HAUS7: variants seen among roughly 807,000 people sequenced by gnomAD.
The protein encoded by HAUS7 is HAUS augmin-like complex subunit 7.
Under a neutral mutation model 28.4 loss-of-function variants are expected in HAUS7, and 3 were observed. The ratio of observed to expected loss-of-function variants is 0.11; its 90% CI spans 0.05 to 0.27. The LOEUF is 0.27. Ranked by LOEUF, HAUS7 falls within the 10% of genes least tolerant of loss-of-function variation. The pLI, the probability that HAUS7 is intolerant of heterozygous loss-of-function variation, is 1.00. For synonymous variants in HAUS7, 165 were observed against 132.1 expected, an observed-to-expected ratio of 1.25 and a Z score of -1.71; for missense variants, 284 against 297.3, an observed-to-expected ratio of 0.96 and a Z score of 0.33.
At chrX:153,474,489 G>A (rs922679057), upstream of HAUS7, among the ~76,000 whole-genome samples, 5 of 112,129 alleles carry the variant, frequency 4.5e-5, no homozygotes, top group Admixed American at 3.7e-4. Flanking sequence ...AGAGGGCAGG[G>A]CCTGCGACCT....
intron 9 of HAUS7, among the ~76,000 whole-genome samples, chrX:153,452,132 T>G (rs1462226690): frequency 1.8e-5 from 2 of 112,152 alleles, no homozygotes; most frequent in Non-Finnish European, 3.8e-5. Context: ...GACACTGAAA[T>G]GACACATTCA....
Position 153,451,501 on chromosome X carries a change from G to A in HAUS7, c.1045+2893C>T, listed in dbSNP as rs987987423. 6.3e-5 allele frequency among the ~76,000 whole-genome samples: 7 copies of A among 111,943 alleles called. No individual in the cohort carries two copies. In the South Asian group the frequency reaches 1.8e-3, roughly 30 times the overall value. On this transcript the variant is annotated intron_variant, in intron 9 of 9. Coordinates refer to ENST00000370211, the MANE Select transcript of HAUS7 (RefSeq NM_001385482.1). ...GGTATACATGGGGTAGTTATGTGCC[G>A]AGGCCAAGAGCAGTGAGAAGCCTGG...
chrX:153,451,522 C>T (rs781877961), intron 9 of HAUS7, among the ~76,000 whole-genome samples: 1 of 111,848 alleles, frequency 8.9e-6, no homozygotes, highest in South Asian at 3.7e-4. Context: ...CAGTGAGAAG[C>T]CTGGCTCTCC....
intron 1 of HAUS7, among the ~76,000 whole-genome samples, chrX:153,485,162 C>T (rs1346153596): frequency 8.9e-6 from 1 of 111,749 alleles, no homozygotes; most frequent in Non-Finnish European, 1.9e-5. Context: ...TATCGGACAG[C>T]GAGGGCTGGG....
intron 9 of HAUS7, among the ~76,000 whole-genome samples, 161 bp downstream of exon 9, chrX:153,454,233 G>A (rs1439033619): frequency 1.8e-5 from 2 of 112,139 alleles, no homozygotes; most frequent in African/African-American, 3.2e-5. Flanking sequence ...TTGATAATCC[G>A]CTGAAAGCAT....
At chrX:153,450,674 C>T (rs2089228421) in intron 9 of HAUS7, among the ~76,000 whole-genome samples, 1 of 112,569 alleles carries the variant, frequency 8.9e-6, no homozygotes, top group Non-Finnish European at 1.9e-5. Context: ...TGGTGCTGAT[C>T]CACAGTGCCA....
upstream of HAUS7, among the ~76,000 whole-genome samples, chrX:153,472,165 T>C (rs960775168): frequency 2.7e-5 from 3 of 110,597 alleles, no homozygotes; most frequent in Admixed American, 1.9e-4. Context: ...AGAAACCAGC[T>C]CCTGTGTACT....
At chrX:153,454,617 C>A in intron 8 of HAUS7, 109 bp from the exon 9 acceptor site, 1 of 532,802 alleles carries the variant, frequency 1.9e-6, no homozygotes, top group Non-Finnish European at 3.2e-6. Flanking sequence ...CCCACTCACA[C>A]TGATCAGGTG....
At position 153,454,470 on chromosome X, in the gene HAUS7, C is replaced by T. The variant is rs782411411; in HGVS notation, c.969G>A (p.Ala323=). ...GCTTCTTCACGGTCTCCACGGCCTTCGCAGAGGTGTCAGCAACTGCCATGA... is the reference window on the plus strand; with the variant it reads ...GCTTCTTCACGGTCTCCACGGCCTTTGCAGAGGTGTCAGCAACTGCCATGA... ...QVVMAVADTS[A]KAVETVKKQQ... The change falls in exon 9 of 10, where the codon GCG becomes GCA. Residue 323 remains alanine (A), a synonymous_variant. Transcript: ENST00000370211. The T allele has an allele frequency of 2.8e-5, 29 of 1,042,013 alleles. No individual in the cohort carries two copies. Among genetic ancestry groups the T allele is most frequent in the South Asian group, 7.4e-5 (4 of 53,809 alleles). 85.9% of individuals were successfully genotyped at this position (1,042,013 alleles called of 1,213,427 possible).
chrX:153,491,748 T>C (rs2089672254), intron 1 of HAUS7, among the ~76,000 whole-genome samples: 1 of 112,794 alleles, frequency 8.9e-6, no homozygotes, highest in Non-Finnish European at 1.9e-5. Context: ...CAGGGAAGCC[T>C]GAGCAGGCTG....
intron 3 of HAUS7, chrX:153,463,007 C>T: frequency 2.5e-6 from 1 of 404,687 alleles, no homozygotes; most frequent in Non-Finnish European, 4.6e-6. Context: ...CTCTCCAAGA[C>T]CTCACAAGGC....
At chrX:153,457,315 C>A in intron 4 of HAUS7, 87 bp from the exon 5 acceptor site, 1 of 606,952 alleles carries the variant, frequency 1.6e-6, no homozygotes. Context: ...CCCCACATGC[C>A]ACCCATGCCA....
At chrX:153,486,662 G>A (rs781886127) in intron 1 of HAUS7, 1 of 982,360 alleles carries the variant, frequency 1.0e-6, no homozygotes, top group South Asian at 2.0e-5. Context: ...TGTGACATGC[G>A]CGTGGCTCAG....
chrX:153,493,261 C>A (rs1431571196), intron 1 of HAUS7, among the ~76,000 whole-genome samples: 2 of 112,301 alleles, frequency 1.8e-5, no homozygotes, highest in Non-Finnish European at 3.8e-5. Context: ...ATGAATGGAA[C>A]CAGAGGCTCT....
intron 1 of HAUS7, among the ~76,000 whole-genome samples, chrX:153,477,279 C>T (rs782429128): frequency 8.8e-6 from 1 of 113,647 alleles, no homozygotes; most frequent in East Asian, 2.8e-4. Flanking sequence ...TAGTCAGCGC[C>T]TGGGGAGCGG....
upstream of HAUS7, among the ~76,000 whole-genome samples, chrX:153,475,251 C>A (rs1273899637): frequency 8.9e-6 from 1 of 112,299 alleles, no homozygotes; most frequent in African/African-American, 3.2e-5. Flanking sequence ...CCGACCACGG[C>A]CCTGCTCCCT....
At chrX:153,482,597 A>G (rs1388291662) in intron 1 of HAUS7, 10 of 713,141 alleles carry the variant, frequency 1.4e-5, no homozygotes, top group Non-Finnish European at 1.7e-5. Flanking sequence ...GCCTGGCTGG[A>G]ACGCAGAGGA....
At chrX:153,475,823 AGAGCAG>A (rs2089559167) in intron 1 of HAUS7, among the ~76,000 whole-genome samples, 1 of 946 alleles carries the variant, frequency 1.1e-3, no homozygotes, top group Non-Finnish European at 0.053. Context: ...GCTCCTGCAG[AGAGCAG>A]GAGAGCAGGA....
intron 4 of HAUS7, among the ~76,000 whole-genome samples, chrX:153,461,052 G>A (rs183595227): frequency 8.9e-6 from 1 of 112,363 alleles, no homozygotes; most frequent in African/African-American, 3.2e-5. Context: ...ACACAGGGGG[G>A]ACCCGAAGAG....
Sources: allele counts gnomAD v4.1 joint callset (sites outside exome capture counted in the v4.1 genomes callset), GRCh38; gene constraint gnomAD v4.1.1; transcripts MANE v1.5; gene names NCBI Gene and HGNC (gene_info 2026-07-23, HGNC 2026-07-21).